Variants in KLF13 observed in about 807,000 individuals in gnomAD.
KLF13 encodes the protein KLF transcription factor 13.
KLF13 carries 8 observed loss-of-function variants against 16.7 expected under a neutral mutation model. The ratio of observed to expected loss-of-function variants is 0.48; its 90% CI spans 0.28 to 0.87. KLF13 has a LOEUF of 0.87. Among genes scored for constraint, KLF13 ranks in the 40% least tolerant of loss-of-function variants. KLF13 has a pLI of 0.10. For missense variants in KLF13, 447 were observed against 452.2 expected (o/e 0.99, Z 0.10); for synonymous variants, 245 against 208.4 (o/e 1.18, Z -1.51).
Position 31,327,114 on chromosome 15 carries a change from C to G in KLF13, c.-99C>G. 1.3e-4 allele frequency: 105 copies of G among 790,214 alleles called. No individual in the cohort carries two copies. Among genetic ancestry groups the G allele is most frequent in the Middle Eastern group, 5.7e-4 (1 of 1,742 alleles). The allele number at this position is 790,214 out of a possible 1,614,324, so 49.0% of individuals were successfully genotyped here. A position where few individuals can be genotyped will look rare whatever the true frequency, so the allele number is the denominator to read the frequency against. Reference sequence around the variant, plus strand: ...CAGCCCAGCCCGAGGAGAGGGCGCGCCGCGCCCCCGCCCCCCGCCCGCTCT... The same window carrying G: ...CAGCCCAGCCCGAGGAGAGGGCGCGGCGCGCCCCCGCCCCCCGCCCGCTCT... On this transcript the variant is annotated 5_prime_UTR_variant, in exon 1 of 2. Transcript: ENST00000307145.
intron 1 of KLF13, among the ~76,000 whole-genome samples, chr15:31,359,873 G>C (rs908262630): frequency 1.3e-5 from 2 of 152,188 alleles, no homozygotes; most frequent in Non-Finnish European, 2.9e-5. Context: ...GTGAAGCCTG[G>C]TTCCAGTAAC....
rs2039639791 is a variant in KLF13, at chr15:31,376,032, T to A, written c.*3733T>A. ...GAACACAGCTCAGACCAGTGAGGGG[T>A]GATTCAGAGGTGGGGATGGGCAGAG... On this transcript the variant is annotated 3_prime_UTR_variant, in exon 2 of 2. Transcript: ENST00000307145. The A allele has an allele frequency of 6.6e-6, 1 of 152,054 alleles. No individual in the cohort carries two copies. Among genetic ancestry groups the A allele is most frequent in the Non-Finnish European group, 1.5e-5 (1 of 67,952 alleles). 9.4% of individuals were successfully genotyped at this position (152,054 alleles called of 1,614,324 possible). A position where few individuals can be genotyped will look rare whatever the true frequency, so the allele number is the denominator to read the frequency against.
At chr15:31,332,461 C>T (rs193230969) in intron 1 of KLF13, among the ~76,000 whole-genome samples, 1 of 152,328 alleles carries the variant, frequency 6.6e-6, no homozygotes, top group East Asian at 1.9e-4. Context: ...GGGCGCTCAG[C>T]CCTGGAGCAG....
chr15:31,378,767 G>C (rs1244310982), downstream of KLF13, among the ~76,000 whole-genome samples: 1 of 152,126 alleles, frequency 6.6e-6, no homozygotes, highest in Admixed American at 6.5e-5. Flanking sequence ...CGCCGAGGCT[G>C]GAGTGCAATG....
chr15:31,429,695 TTTTATTTATTTATTTATTTA>T (rs201016352), intron 1 of KLF13, among the ~76,000 whole-genome samples: 147 of 137,692 alleles, frequency 1.1e-3, no homozygotes, highest in South Asian at 7.2e-3. Context: ...AGAAAGATTC[TTTTATTTATTTATTTATTTA>T]TTTATTTATT....
At chr15:31,383,759 G>A (rs1194484400) in intron 1 of KLF13, among the ~76,000 whole-genome samples, 2 of 152,142 alleles carry the variant, frequency 1.3e-5, no homozygotes, top group Admixed American at 1.3e-4. Context: ...AAAATTAGCT[G>A]GGCGTGGTGG....
chr15:31,348,390 C>T (rs2140945441), intron 1 of KLF13, among the ~76,000 whole-genome samples: 1 of 152,310 alleles, frequency 6.6e-6, no homozygotes, highest in South Asian at 2.1e-4. Context: ...GCACGCCGCA[C>T]CACATGCTTT....
intron 1 of KLF13, chr15:31,366,181 TC>T (rs67120359): frequency 0.81 from 117,834 of 145,872 alleles, 47,382 homozygotes; most frequent in South Asian, 0.88. Flanking sequence ...ACCCGAAGAG[TC>T]CCCCCTCTGC....
chr15:31,410,186 T>C (rs1418883610), intron 1 of KLF13, among the ~76,000 whole-genome samples: 1 of 151,974 alleles, frequency 6.6e-6, no homozygotes, highest in Non-Finnish European at 1.5e-5. Flanking sequence ...TAGACTCTGA[T>C]TAATAAAAAT....
chr15:31,434,610 C>T (rs557351425), intron 1 of KLF13, among the ~76,000 whole-genome samples: 1 of 152,248 alleles, frequency 6.6e-6, no homozygotes, highest in African/African-American at 2.4e-5. Context: ...TCTGGAGCTC[C>T]CTGGTTCCAC....
At chr15:31,328,996 C>G (rs184725659) in intron 1 of KLF13, among the ~76,000 whole-genome samples, 1 of 152,202 alleles carries the variant, frequency 6.6e-6, no homozygotes, top group African/African-American at 2.4e-5. Flanking sequence ...AAGCTGCAGC[C>G]TTGGATACCC....
chr15:31,421,161 A>G (rs1391453732), intron 1 of KLF13, among the ~76,000 whole-genome samples: 4 of 107,570 alleles, frequency 3.7e-5, no homozygotes. Context: ...AAATAAATAC[A>G]TTTTGGTTAT....
intron 1 of KLF13, chr15:31,393,431 C>T (rs1414965581): frequency 1.3e-5 from 2 of 152,040 alleles, no homozygotes; most frequent in African/African-American, 4.8e-5. Flanking sequence ...CGTCCCCCCC[C>T]CGTCCCCCTC....
intron 1 of KLF13, among the ~76,000 whole-genome samples, chr15:31,434,385 A>C (rs1467332578): frequency 1.3e-5 from 2 of 152,156 alleles, no homozygotes; most frequent in African/African-American, 4.8e-5. Flanking sequence ...GGGGATGGGC[A>C]GGCCTTTTAT....
intron 1 of KLF13, among the ~76,000 whole-genome samples, chr15:31,369,730 T>C (rs994852740): frequency 2.0e-5 from 3 of 152,204 alleles, no homozygotes; most frequent in Admixed American, 6.5e-5. Flanking sequence ...GGCCCTTTAC[T>C]ATTCAGTCAT....
intron 1 of KLF13, among the ~76,000 whole-genome samples, chr15:31,363,114 A>T (rs554956168): frequency 6.6e-6 from 1 of 152,188 alleles, no homozygotes; most frequent in Non-Finnish European, 1.5e-5. Flanking sequence ...ATCGCCCTCC[A>T]TGGAGGTTGT....
intron 1 of KLF13, among the ~76,000 whole-genome samples, chr15:31,346,201 TG>T (rs2039113644): frequency 6.6e-6 from 1 of 152,170 alleles, no homozygotes; most frequent in Non-Finnish European, 1.5e-5. Flanking sequence ...TACCCATCTG[TG>T]GCTTCCAGAA....
chr15:31,349,238 T>C (rs1032440236), intron 1 of KLF13, among the ~76,000 whole-genome samples: 1 of 152,168 alleles, frequency 6.6e-6, no homozygotes, highest in African/African-American at 2.4e-5. Context: ...TGTCATTCCA[T>C]CTGGGGGAAT....
chr15:31,343,605 CCG>C (rs1237273261), intron 1 of KLF13, among the ~76,000 whole-genome samples: 11 of 152,208 alleles, frequency 7.2e-5, no homozygotes, highest in African/African-American at 1.2e-4. Context: ...GTCTCCTGAA[CCG>C]CAGGAGCAAG....
Sources: gnomAD v4.1 joint callset for allele counts (sites outside exome capture counted in the v4.1 genomes callset) on GRCh38, gnomAD v4.1.1 for gene constraint, MANE v1.5 for transcripts, NCBI Gene and HGNC (gene_info 2026-07-23, HGNC 2026-07-21) for gene names.